THSD4: variants seen among roughly 807,000 people sequenced by gnomAD.
THSD4 encodes thrombospondin type 1 domain containing 4.
A neutral mutation model predicts 119.0 loss-of-function variants in THSD4; 69 were observed. That is an observed-to-expected ratio of 0.58 (90% CI 0.48 to 0.71). The LOEUF is 0.71. Ranked by LOEUF, THSD4 falls within the 30% of genes least tolerant of loss-of-function variation. The pLI is 0.00. For missense variants in THSD4, 1,393 were observed against 1,391.1 expected (o/e 1.00, Z -0.02); for synonymous variants, 524 against 540.4 (o/e 0.97, Z 0.42).
At chr15:71,746,533 T>C (rs568551699) in intron 12 of THSD4, among the ~76,000 whole-genome samples, 11 of 152,312 alleles carry the variant, frequency 7.2e-5, no homozygotes, top group African/African-American at 2.6e-4. Context: ...TAGCTGGGAC[T>C]ACAGGCACAC....
At chr15:71,576,523 A>G (rs895988841) in intron 7 of THSD4, among the ~76,000 whole-genome samples, 3 of 152,184 alleles carry the variant, frequency 2.0e-5, no homozygotes, top group Non-Finnish European at 4.4e-5. Context: ...CTTTTATGAA[A>G]GATGAAACAG....
At chr15:71,474,774 T>G (rs1032092161) in intron 7 of THSD4, among the ~76,000 whole-genome samples, 1 of 152,150 alleles carries the variant, frequency 6.6e-6, no homozygotes, top group Non-Finnish European at 1.5e-5. Context: ...TTCCCTTGGC[T>G]CTCTCCTTGC....
chr15:71,113,217 T>G (rs1448945580), upstream of THSD4, among the ~76,000 whole-genome samples: 82 of 152,262 alleles, frequency 5.4e-4, no homozygotes, highest in Admixed American at 5.2e-3. Flanking sequence ...AAACAAGTAT[T>G]ATCTTGACTT....
At chr15:71,595,172 T>G (rs1363279464) in intron 7 of THSD4, among the ~76,000 whole-genome samples, 1 of 152,202 alleles carries the variant, frequency 6.6e-6, no homozygotes, top group East Asian at 1.9e-4. Context: ...AATGGGTGAT[T>G]GCTGGAAAGG....
intron 7 of THSD4, among the ~76,000 whole-genome samples, chr15:71,540,112 C>T (rs2048737727): frequency 6.7e-6 from 1 of 149,998 alleles, no homozygotes; most frequent in African/African-American, 2.4e-5. Flanking sequence ...ACTATTATTA[C>T]AACCATTATT....
Position 71,228,725 on chromosome 15 carries a change from C to G in THSD4, c.464+13326C>G, listed in dbSNP as rs565922493. ...CCAGCTTGTAACACTGAGTTATGCT[C>G]CCTTCCTGCTCCCAACTCCATTCTC... On this transcript the variant is annotated intron_variant, in intron 4 of 17. Coordinates refer to ENST00000261862, the MANE Select transcript of THSD4 (RefSeq NM_024817.3). Among the ~76,000 whole-genome samples, 342 of 152,256 alleles carry G rather than the reference C, an allele frequency of 2.2e-3. 3 individuals carry two copies. Among genetic ancestry groups the G allele is most frequent in the African/African-American group, 7.3e-3 (305 of 41,544 alleles).
intron 2 of THSD4, among the ~76,000 whole-genome samples, chr15:71,149,370 C>T (rs536146189): frequency 3.5e-4 from 54 of 152,200 alleles, no homozygotes; most frequent in Admixed American, 9.8e-4. Flanking sequence ...CTCAGCCTCA[C>T]GAGTAGCTGG....
chr15:71,173,416 A>G (rs1409460362), intron 3 of THSD4, among the ~76,000 whole-genome samples: 1 of 152,000 alleles, frequency 6.6e-6, no homozygotes, highest in African/African-American at 2.4e-5. Flanking sequence ...TGAATTGGAA[A>G]ACTTAATATT....
At chr15:71,337,199 C>T (rs1409049348) in intron 6 of THSD4, among the ~76,000 whole-genome samples, 1 of 152,192 alleles carries the variant, frequency 6.6e-6, no homozygotes, top group African/African-American at 2.4e-5. Context: ...CATTTTCCAA[C>T]CCAAGAACTG....
intron 3 of THSD4, chr15:71,186,546 C>A (rs903511291): frequency 3.3e-5 from 5 of 152,278 alleles, no homozygotes; most frequent in Non-Finnish European, 4.4e-5. Context: ...AACAGCTGGG[C>A]GTCTCTGGGA....
rs1239377513 is a variant in THSD4, at chr15:71,655,609, A to G, written c.1153-4921A>G. ...ATGTTTGCCTCATTTGATTTTCCCA[A>G]CAGTCCTAAGGGGTAGCTGCTCCAT... On this transcript the variant is annotated intron_variant, in intron 7 of 17. Transcript: ENST00000261862. Among the ~76,000 whole-genome samples the G allele has an allele frequency of 2.6e-5, 4 of 152,136 alleles. No individual in the cohort carries two copies. In the East Asian group the frequency reaches 7.7e-4, roughly 29 times the overall value.
chr15:71,169,698 T>C (rs191200015), intron 3 of THSD4, among the ~76,000 whole-genome samples: 12 of 152,310 alleles, frequency 7.9e-5, no homozygotes, highest in Admixed American at 7.8e-4. Context: ...TGAAATAATG[T>C]TTTTCAAAAC....
intron 7 of THSD4, among the ~76,000 whole-genome samples, chr15:71,526,723 T>C (rs1268027832): frequency 6.6e-6 from 1 of 152,228 alleles, no homozygotes; most frequent in Non-Finnish European, 1.5e-5. Context: ...TCCCTAGGGC[T>C]AGTGTGGTAG....
rs547857618 is a variant in THSD4, at chr15:71,465,798, T to C, written c.1152+53975T>C. Among the ~76,000 whole-genome samples the C allele has an allele frequency of 4.6e-5, 7 of 152,324 alleles. No individual in the cohort carries two copies. In the South Asian group the frequency reaches 1.5e-3, roughly 32 times the overall value. On this transcript the variant is annotated intron_variant, in intron 7 of 17. Coordinates refer to ENST00000261862, the MANE Select transcript of THSD4 (RefSeq NM_024817.3). ...GGAGAGAGGAAGGCACTGGAAAGAA[T>C]GCTTTGGTCACTTTACATCAGTTTT...
intron 7 of THSD4, among the ~76,000 whole-genome samples, chr15:71,658,607 T>C (rs1444153870): frequency 1.3e-5 from 2 of 152,170 alleles, no homozygotes; most frequent in African/African-American, 4.8e-5. Context: ...TTGTTGTTGT[T>C]GTTTCAAAGC....
At chr15:71,432,080 CAT>C (rs1017881006) in intron 7 of THSD4, among the ~76,000 whole-genome samples, 4 of 151,988 alleles carry the variant, frequency 2.6e-5, no homozygotes, top group African/African-American at 9.7e-5. Flanking sequence ...TAAACCAAGA[CAT>C]ATCAGATTTC....
At chr15:71,331,404 G>A (rs758554723) in intron 6 of THSD4, among the ~76,000 whole-genome samples, 1 of 152,212 alleles carries the variant, frequency 6.6e-6, no homozygotes, top group Non-Finnish European at 1.5e-5. Context: ...CTCATTTGGG[G>A]AGACTTGGAG....
At chr15:71,510,734 G>A (rs776965592) in intron 7 of THSD4, among the ~76,000 whole-genome samples, 3 of 152,206 alleles carry the variant, frequency 2.0e-5, no homozygotes, top group African/African-American at 4.8e-5. Context: ...TAACTCACCT[G>A]TAGTCTGGGG....
chr15:71,773,345 A>G (rs2053858994), intron 17 of THSD4, among the ~76,000 whole-genome samples: 2 of 152,242 alleles, frequency 1.3e-5, no homozygotes, highest in South Asian at 4.1e-4. Context: ...TCTCAAAGCT[A>G]GGAATGACTG....
Sources: allele counts gnomAD v4.1 joint callset (sites outside exome capture counted in the v4.1 genomes callset), GRCh38; gene constraint gnomAD v4.1.1; transcripts MANE v1.5; gene names NCBI Gene and HGNC (gene_info 2026-07-23, HGNC 2026-07-21).